The following NLGN4Y variants were observed in gnomAD, a reference collection of about 807,000 sequenced individuals.
The protein encoded by NLGN4Y is neuroligin-4, Y-linked.
In NLGN4Y, 4 loss-of-function variants were observed where a neutral mutation model predicts 8.4. That is an observed-to-expected ratio of 0.48 (90% CI 0.23 to 1.09). The LOEUF is 1.09. Ranked by LOEUF, NLGN4Y falls within the 50% of genes least tolerant of loss-of-function variation. The pLI, the probability that NLGN4Y is intolerant of heterozygous loss-of-function variation, is 0.19. For missense variants in NLGN4Y, 90 were observed against 192.3 expected, an observed-to-expected ratio of 0.47 and a Z score of 3.15; for synonymous variants, 35 against 75.6, an observed-to-expected ratio of 0.46 and a Z score of 2.78.
intron 2 of NLGN4Y, among the ~76,000 whole-genome samples, chrY:14,654,607 C>CT (rs2080642426): frequency 3.2e-5 from 1 of 31,358 alleles, no homozygotes; most frequent in Non-Finnish European, 7.7e-5. Flanking sequence ...TTATTATACT[C>CT]TTTTTTTATG....
At position 14,627,358 on chromosome Y, in the gene NLGN4Y, G is replaced by A. The variant is rs376907019; in HGVS notation, c.472+4767G>A. Among the ~76,000 whole-genome samples the A allele has an allele frequency of 4.8e-3, 161 of 33,604 alleles. No individual in the cohort carries two copies. In the South Asian group the frequency reaches 0.098, roughly 21 times the overall value. The allele number at this position is 33,604 out of a possible 37,273, so 90.2% of individuals were successfully genotyped here. ...CCCTGCAGAGCAGGGGGCGGTGCCC[G>A]TTGGGGAGGCTGGGGCTGCGCAGGA... On this transcript the variant is annotated intron_variant, in intron 2 of 6. Coordinates refer to ENST00000684976, the MANE Select transcript of NLGN4Y (RefSeq NM_001365588.1).
chrY:14,556,999 C>T, intron 1 of NLGN4Y, among the ~76,000 whole-genome samples: 5 of 33,533 alleles, frequency 1.5e-4, no homozygotes, highest in African/African-American at 4.6e-4. Context: ...TAGGAGCATA[C>T]GCAGGGAAGC....
intron 2 of NLGN4Y, among the ~76,000 whole-genome samples, chrY:14,684,283 G>A (rs2080780796): frequency 3.0e-5 from 1 of 33,471 alleles, no homozygotes; most frequent in Non-Finnish European, 7.4e-5. Flanking sequence ...TCTTCATTTT[G>A]TGAGATCACC....
intron 1 of NLGN4Y, among the ~76,000 whole-genome samples, chrY:14,592,086 T>C (rs1603500714): frequency 3.2e-5 from 1 of 31,673 alleles, no homozygotes; most frequent in Non-Finnish European, 7.6e-5. Context: ...AAGTTGAGAG[T>C]CTTGTAGAGG....
chrY:14,705,231 G>A (rs2150547066), intron 2 of NLGN4Y, among the ~76,000 whole-genome samples: 1 of 32,792 alleles, frequency 3.0e-5, no homozygotes, highest in East Asian at 8.0e-4. Flanking sequence ...GCTGTGAGAA[G>A]AAAGGCATTT....
intron 2 of NLGN4Y, among the ~76,000 whole-genome samples, chrY:14,668,963 G>A: frequency 6.2e-5 from 2 of 32,096 alleles, no homozygotes; most frequent in African/African-American, 2.4e-4. Flanking sequence ...CCCAACATTG[G>A]GAGCTACAAT....
chrY:14,830,721 G>A (rs977038704), intron 6 of NLGN4Y, among the ~76,000 whole-genome samples: 8 of 33,707 alleles, frequency 2.4e-4, no homozygotes, highest in South Asian at 1.3e-3. Context: ...TATTACCAAA[G>A]TGTTTTACTC....
intron 6 of NLGN4Y, among the ~76,000 whole-genome samples, chrY:14,835,548 AAAG>A (rs2043194986): frequency 5.0e-4 from 14 of 28,141 alleles, no homozygotes; most frequent in Admixed American, 3.6e-3. Flanking sequence ...GGAAGGAAGA[AAAG>A]AAGGAAGCAA....
chrY:14,645,331 C>T (rs2080606631), intron 2 of NLGN4Y, among the ~76,000 whole-genome samples: 1 of 28,681 alleles, frequency 3.5e-5, no homozygotes, highest in Non-Finnish European at 8.2e-5. Context: ...CCACCACCCC[C>T]GGCTAATTTT....
intron 2 of NLGN4Y, among the ~76,000 whole-genome samples, chrY:14,701,195 G>A (rs1603502834): frequency 1.8e-4 from 4 of 22,236 alleles, no homozygotes; most frequent in Admixed American, 8.8e-4. Context: ...GCATGCACAC[G>A]CACACACACA....
chrY:14,808,375 A>T, intron 4 of NLGN4Y, among the ~76,000 whole-genome samples: 2 of 33,793 alleles, frequency 5.9e-5, no homozygotes. Context: ...TGTGAGGACT[A>T]CTATTCTCCT....
chrY:14,701,715 T>C (rs1603502848), intron 2 of NLGN4Y, among the ~76,000 whole-genome samples: 1 of 33,304 alleles, frequency 3.0e-5, no homozygotes, highest in East Asian at 8.0e-4. Context: ...CCTGCTTCCT[T>C]CTTGTTCTTG....
At chrY:14,817,150 C>T (rs987579744) in intron 4 of NLGN4Y, among the ~76,000 whole-genome samples, 1 of 33,411 alleles carries the variant, frequency 3.0e-5, no homozygotes, top group Non-Finnish European at 7.4e-5. Context: ...ATAAGGACTC[C>T]AAGAGCTATT....
At chrY:14,756,529 C>G in intron 4 of NLGN4Y, among the ~76,000 whole-genome samples, 1 of 29,972 alleles carries the variant, frequency 3.3e-5, no homozygotes, top group African/African-American at 1.3e-4. Context: ...AGGTGGATAA[C>G]CTGAGTTCAG....
At chrY:14,594,181 T>C (rs2080385888) in intron 1 of NLGN4Y, among the ~76,000 whole-genome samples, 1 of 32,750 alleles carries the variant, frequency 3.1e-5, no homozygotes, top group African/African-American at 1.2e-4. Flanking sequence ...TACCTGGGGC[T>C]CAGTGAGGGT....
At chrY:14,649,894 G>T (rs2080623156) in intron 2 of NLGN4Y, among the ~76,000 whole-genome samples, 2 of 33,671 alleles carry the variant, frequency 5.9e-5, no homozygotes, top group African/African-American at 2.3e-4. Flanking sequence ...GCAGTAGGTA[G>T]TATTAAATAA....
At chrY:14,814,632 C>T in intron 4 of NLGN4Y, among the ~76,000 whole-genome samples, 1 of 32,922 alleles carries the variant, frequency 3.0e-5, no homozygotes, top group Admixed American at 2.8e-4. Flanking sequence ...CACTGGATGG[C>T]ATCTCATATT....
At chrY:14,570,750 C>A in intron 1 of NLGN4Y, among the ~76,000 whole-genome samples, 2 of 12,377 alleles carry the variant, frequency 1.6e-4, no homozygotes, top group South Asian at 3.0e-3. Flanking sequence ...ATCCCCTCCC[C>A]CCACCCCACA....
intron 2 of NLGN4Y, among the ~76,000 whole-genome samples, chrY:14,630,984 T>C (rs2080546552): frequency 3.0e-5 from 1 of 33,152 alleles, no homozygotes; most frequent in Non-Finnish European, 7.4e-5. Flanking sequence ...CTCATGAGTG[T>C]CTGGGACTAC....
Sources: allele counts gnomAD v4.1 joint callset (sites outside exome capture counted in the v4.1 genomes callset), GRCh38; gene constraint gnomAD v4.1.1; transcripts MANE v1.5; gene names NCBI Gene and HGNC (gene_info 2026-07-23, HGNC 2026-07-21).